Variants in C4orf36 observed in about 807,000 individuals in gnomAD.
C4orf36 encodes the protein uncharacterized protein C4orf36.
Under a neutral mutation model 12.2 loss-of-function variants are expected in C4orf36, and 11 were observed. That is an observed-to-expected ratio of 0.90 (90% CI 0.57 to 1.49). The LOEUF (loss-of-function observed/expected upper bound fraction) is 1.49. Among genes scored for constraint, C4orf36 ranks in the 40% most tolerant of loss-of-function variants. C4orf36 has a pLI of 0.00. For missense variants in C4orf36, 137 were observed against 133.9 expected (o/e 1.02, Z -0.11); for synonymous variants, 54 against 51.3 (o/e 1.05, Z -0.22).
the C4orf36 span, among the ~76,000 whole-genome samples, chr4:86,923,853 CTATTT>C: frequency 3.9e-5 from 6 of 151,972 alleles, no homozygotes; most frequent in East Asian, 9.7e-4. Flanking sequence ...TATTTTCTCC[CTATTT>C]TAAAGTTGTC....
the C4orf36 span, chr4:86,933,043 T>A: frequency 2.6e-5 from 4 of 152,272 alleles, no homozygotes; most frequent in East Asian, 1.9e-4. Context: ...ATATAAAAAA[T>A]TTTTTAAAGT....
chr4:86,929,045 C>T, the C4orf36 span, among the ~76,000 whole-genome samples: 1 of 152,214 alleles, frequency 6.6e-6, no homozygotes, highest in African/African-American at 2.4e-5. Context: ...TATGCTCTAT[C>T]ATGTGTGCCT....
At chr4:86,912,967 T>C in the C4orf36 span, among the ~76,000 whole-genome samples, 1 of 152,026 alleles carries the variant, frequency 6.6e-6, no homozygotes. Context: ...CTGGGCAATT[T>C]ACATATCTCC....
At chr4:86,885,564 G>A (rs2149420898) in intron 4 of C4orf36, among the ~76,000 whole-genome samples, 1 of 152,318 alleles carries the variant, frequency 6.6e-6, no homozygotes, top group East Asian at 1.9e-4. Context: ...CTGAGACTTT[G>A]CTGAAGTTGC....
chr4:86,919,764 G>A, the C4orf36 span, among the ~76,000 whole-genome samples: 7 of 152,100 alleles, frequency 4.6e-5, no homozygotes, highest in African/African-American at 1.7e-4. Context: ...GCTGGGTGTG[G>A]TGGCTAACAA....
At chr4:86,909,005 C>T in the C4orf36 span, among the ~76,000 whole-genome samples, 2 of 152,108 alleles carry the variant, frequency 1.3e-5, no homozygotes. Context: ...GGAACTCACC[C>T]CCACCTTTAC....
At chr4:86,924,943 T>G in the C4orf36 span, 2 of 152,104 alleles carry the variant, frequency 1.3e-5, no homozygotes, top group African/African-American at 4.8e-5. Context: ...CTCAGGAAAC[T>G]CTGAATTATG....
At chr4:86,921,097 G>A in the C4orf36 span, among the ~76,000 whole-genome samples, 3 of 150,086 alleles carry the variant, frequency 2.0e-5, no homozygotes, top group Non-Finnish European at 3.0e-5. Flanking sequence ...TCTTGGAGGT[G>A]GAGGCTGTGG....
chr4:86,927,779 A>G, the C4orf36 span, among the ~76,000 whole-genome samples: 1 of 143,934 alleles, frequency 6.9e-6, no homozygotes, highest in Non-Finnish European at 1.5e-5. Flanking sequence ...AGCCTGGGCA[A>G]CAAGAGCGAG....
the C4orf36 span, among the ~76,000 whole-genome samples, chr4:86,913,022 C>A: frequency 6.6e-6 from 1 of 150,908 alleles, no homozygotes; most frequent in East Asian, 2.0e-4. Context: ...CCATAATAAA[C>A]TGCTTAAAGA....
the C4orf36 span, among the ~76,000 whole-genome samples, chr4:86,928,901 T>C: frequency 1.3e-5 from 2 of 152,088 alleles, no homozygotes; most frequent in African/African-American, 4.8e-5. Flanking sequence ...ATTTTTTTTC[T>C]TCCTCCTTCC....
intron 4 of C4orf36, among the ~76,000 whole-genome samples, chr4:86,882,524 G>A (rs1285309108): frequency 1.3e-5 from 2 of 152,024 alleles, no homozygotes; most frequent in African/African-American, 2.4e-5. Flanking sequence ...ATAACAACAG[G>A]AGCTATCACA....
chr4:86,878,083 T>G (rs1335148364), intron 4 of C4orf36, among the ~76,000 whole-genome samples: 3 of 136,250 alleles, frequency 2.2e-5, no homozygotes, highest in Non-Finnish European at 4.6e-5. Context: ...GTTGCATGTG[T>G]TTTTTTTTTT....
At chr4:86,891,918 A>G in intron 1 of C4orf36, 1 of 898,830 alleles carries the variant, frequency 1.1e-6, no homozygotes. Context: ...CTGAGCGACC[A>G]AAGGCTCTGC....
the C4orf36 span, among the ~76,000 whole-genome samples, chr4:86,919,598 T>G: frequency 6.6e-6 from 1 of 152,132 alleles, no homozygotes; most frequent in Non-Finnish European, 1.5e-5. Context: ...GTGCTCGGAT[T>G]ACAGGCATGA....
the C4orf36 span, among the ~76,000 whole-genome samples, chr4:86,897,807 A>C: frequency 3.3e-5 from 5 of 152,110 alleles, no homozygotes; most frequent in African/African-American, 1.2e-4. Context: ...GAGTAGTGGG[A>C]ATCCCTGGCT....
At chr4:86,936,087 A>AGCACCCGCAAATTG in the C4orf36 span, 1 of 152,118 alleles carries the variant, frequency 6.6e-6, no homozygotes, top group Non-Finnish European at 1.5e-5. Context: ...CTCCACCACC[A>AGCACCCGCAAATTG]GCACCCGCAA....
chr4:86,901,766 T>C, the C4orf36 span, among the ~76,000 whole-genome samples: 1 of 152,128 alleles, frequency 6.6e-6, no homozygotes, highest in Non-Finnish European at 1.5e-5. Flanking sequence ...TGCTCTGCTT[T>C]TCCCTCCATG....
At chr4:86,933,173 T>TTC in the C4orf36 span, 1 of 151,752 alleles carries the variant, frequency 6.6e-6, no homozygotes, top group Admixed American at 6.6e-5. Flanking sequence ...ATGGCTATCC[T>TTC]TTTTTATTCA....
Sources: allele counts gnomAD v4.1 joint callset (sites outside exome capture counted in the v4.1 genomes callset), GRCh38; gene constraint gnomAD v4.1.1; transcripts MANE v1.5; gene names NCBI Gene and HGNC (gene_info 2026-07-23, HGNC 2026-07-21).